The following HPGD variants were observed in gnomAD, a reference collection of about 807,000 sequenced individuals.
HPGD encodes the protein 15-hydroxyprostaglandin dehydrogenase [NAD(+)].
A neutral mutation model predicts 30.0 loss-of-function variants in HPGD; 29 were observed. The observed-to-expected ratio is 0.97, with a 90% CI of 0.72 to 1.32. The LOEUF (loss-of-function observed/expected upper bound fraction) is 1.32. Among genes scored for constraint, HPGD ranks in the 40% most tolerant of loss-of-function variants. The pLI, the probability that HPGD is intolerant of heterozygous loss-of-function variation, is 0.00. For missense variants in HPGD, 340 were observed against 322.1 expected, an observed-to-expected ratio of 1.06 and a Z score of -0.43; for synonymous variants, 99 against 112.4, an observed-to-expected ratio of 0.88 and a Z score of 0.75.
At chr4:174,522,667 C>T, upstream of HPGD, 1 of 468,712 alleles carries the variant, frequency 2.1e-6, no homozygotes, top group Non-Finnish European at 3.7e-6. Flanking sequence ...GCGATCTTTG[C>T]CTTCCGGACT....
chr4:174,520,520 T>C (rs180835165), intron 2 of HPGD, among the ~76,000 whole-genome samples: 1 of 152,358 alleles, frequency 6.6e-6, no homozygotes, highest in East Asian at 1.9e-4. Flanking sequence ...AGACAACATG[T>C]GGATTTCTCA....
rs550736633 is a variant in HPGD, at chr4:174,504,166, T to G, written c.421+4530A>C. ...ATTTCCCTTCTGCAAATGCTCAACA[T>G]ATGTTTGATTAAGTTGAAATTTTTA... On this transcript the variant is annotated intron_variant, in intron 4 of 6. Transcript: ENST00000296522. 2.0e-5 allele frequency among the ~76,000 whole-genome samples: 3 copies of G among 152,292 alleles called. No individual in the cohort carries two copies. In the South Asian group the frequency reaches 6.2e-4, roughly 32 times the overall value.
At chr4:174,517,223 A>T (rs929273962) in intron 3 of HPGD, among the ~76,000 whole-genome samples, 10 of 152,140 alleles carry the variant, frequency 6.6e-5, no homozygotes, top group Non-Finnish European at 4.4e-5. Context: ...AAAAGAGAAA[A>T]TTTTATTTCT....
chr4:174,508,103 A>T, intron 4 of HPGD: 1 of 702,286 alleles, frequency 1.4e-6, no homozygotes, highest in Non-Finnish European at 2.6e-6. Context: ...GCAGTTCTAA[A>T]GTAACCCTGG....
chr4:174,518,480 C>T (rs1735908835), intron 2 of HPGD, among the ~76,000 whole-genome samples: 2 of 152,160 alleles, frequency 1.3e-5, no homozygotes, highest in Admixed American at 6.6e-5. Flanking sequence ...TGAGAAGCTA[C>T]TGAAGCTCTG....
At chr4:174,504,574 G>A (rs1223473279) in intron 4 of HPGD, among the ~76,000 whole-genome samples, 1 of 151,896 alleles carries the variant, frequency 6.6e-6, no homozygotes. Context: ...TCGGGAGGCT[G>A]AGGCAGGCAG....
At chr4:174,503,836 C>T (rs1175125616) in intron 4 of HPGD, among the ~76,000 whole-genome samples, 1 of 152,078 alleles carries the variant, frequency 6.6e-6, no homozygotes, top group Non-Finnish European at 1.5e-5. Context: ...AATCCTCCCA[C>T]CTCAGCCTCC....
Position 174,490,516 on chromosome 4 carries a change from T to C in HPGD, c.*1440A>G, listed in dbSNP as rs2110758369. 1 of 152,480 alleles carries C rather than the reference T, an allele frequency of 6.6e-6. No individual in the cohort carries two copies. Among genetic ancestry groups the C allele is most frequent in the African/African-American group, 2.4e-5 (1 of 41,584 alleles). 9.4% of individuals were successfully genotyped at this position (152,480 alleles called of 1,614,324 possible). On this transcript the variant is annotated 3_prime_UTR_variant, in exon 7 of 7. Coordinates refer to ENST00000296522, the MANE Select transcript of HPGD (RefSeq NM_000860.6). The surrounding 1 kb of genome is among the most constrained non-coding windows in gnomAD (Gnocchi z 4.4). ...CCGACATCATTTACTGATTAGTCAC[T>C]GCCAGAACATACAAACAAGCTTATG...
At chr4:174,505,381 A>G (rs1210446340) in intron 4 of HPGD, among the ~76,000 whole-genome samples, 2 of 152,218 alleles carry the variant, frequency 1.3e-5, no homozygotes, top group Admixed American at 1.3e-4. Context: ...TCTGTGAGGA[A>G]GCAAGGTTTG....
At chr4:174,495,515 G>A (rs1406587221) in intron 5 of HPGD, 33 bp downstream of exon 5, 2 of 1,489,656 alleles carry the variant, frequency 1.3e-6, no homozygotes, top group African/African-American at 1.4e-5. Context: ...TGTACAAAGA[G>A]AAAATGAGAT....
intron 4 of HPGD, among the ~76,000 whole-genome samples, chr4:174,502,058 T>C (rs945865506): frequency 6.6e-6 from 1 of 152,196 alleles, no homozygotes; most frequent in African/African-American, 2.4e-5. Flanking sequence ...CTAAGGATGC[T>C]GATACTCGTA....
chr4:174,507,258 A>G (rs1312363489), intron 4 of HPGD: 3 of 152,194 alleles, frequency 2.0e-5, no homozygotes, highest in Non-Finnish European at 4.4e-5. Context: ...CACTAGGAAA[A>G]AGAATCTGAT....
Position 174,494,924 on chromosome 4 carries a change from G to T in HPGD, c.498+624C>A, listed in dbSNP as rs1212268513. ...CATAGCTGCTTTTGGTCTAGCTCCT[G>T]TGCTGGTGTCTTGAGTCATACCTCA... On this transcript the variant is annotated intron_variant, in intron 5 of 6. Coordinates refer to ENST00000296522, the MANE Select transcript of HPGD (RefSeq NM_000860.6). The surrounding 1 kb of genome is among the most constrained non-coding windows in gnomAD (Gnocchi z 4.9). 6.6e-6 allele frequency among the ~76,000 whole-genome samples: 1 copy of T among 152,158 alleles called. No homozygotes were observed. Among genetic ancestry groups the T allele is most frequent in the Non-Finnish European group, 1.5e-5 (1 of 68,032 alleles).
rs1285421597 is a variant in HPGD at position 174,491,366 on chromosome 4, C to T, written c.*590G>A. On this transcript the variant is annotated 3_prime_UTR_variant, in exon 7 of 7. Transcript: ENST00000296522. Reference sequence around the variant, plus strand: ...ACAGTGTCAATCAGTTACTTTCTGTCATTTTTCCATACAGCAGTTTTCATC... The same window carrying T: ...ACAGTGTCAATCAGTTACTTTCTGTTATTTTTCCATACAGCAGTTTTCATC... The T allele has an allele frequency of 1.3e-5, 2 of 152,870 alleles. No homozygotes were observed. The highest frequency in any genetic ancestry group is 2.4e-5 in the African/African-American group (1 of 41,442). 9.5% of individuals were successfully genotyped at this position (152,870 alleles called of 1,614,324 possible).
intron 5 of HPGD, among the ~76,000 whole-genome samples, chr4:174,495,097 G>T (rs1320058715): frequency 6.6e-6 from 1 of 152,096 alleles, no homozygotes; most frequent in Admixed American, 6.6e-5. Context: ...TTCACCCTAG[G>T]CCTCCATGGA....
intron 3 of HPGD, among the ~76,000 whole-genome samples, chr4:174,511,804 G>T (rs45560639): frequency 0.13 from 19,510 of 152,104 alleles, 1,541 homozygotes; most frequent in East Asian, 0.4. Context: ...CCGCCACCAC[G>T]CCCGGCTAAA....
chr4:174,512,351 A>G (rs564733365), intron 3 of HPGD, among the ~76,000 whole-genome samples: 5 of 152,346 alleles, frequency 3.3e-5, no homozygotes, highest in African/African-American at 1.2e-4. Context: ...ATATATTTAA[A>G]TAATTCTAAT....
At chr4:174,511,746 A>ACGC in intron 3 of HPGD, among the ~76,000 whole-genome samples, 1 of 152,262 alleles carries the variant, frequency 6.6e-6, no homozygotes, top group South Asian at 2.1e-4. Flanking sequence ...TCCCGGGTTC[A>ACGC]CGCCATTCGC....
intron 2 of HPGD, 35 bp downstream of exon 2, chr4:174,521,909 C>CAGGTCTCAACTGGGAACAGGTT: frequency 6.2e-7 from 1 of 1,613,354 alleles, no homozygotes; most frequent in Non-Finnish European, 8.5e-7. Context: ...GTTGAGAGCA[C>CAGGTCTCAACTGGGAACAGGTT]GTTCCCAGTT....
Sources: gnomAD v4.1 joint callset for allele counts (sites outside exome capture counted in the v4.1 genomes callset) on GRCh38, gnomAD v4.1.1 for gene constraint, Gnocchi (gnomAD v3.1) non-coding constraint, MANE v1.5 for transcripts, NCBI Gene and HGNC (gene_info 2026-07-23, HGNC 2026-07-21) for gene names.